INSR: variants seen among roughly 807,000 people sequenced by gnomAD.
The protein encoded by INSR is IR.
INSR carries 67 observed loss-of-function variants against 142.6 expected under a neutral mutation model. The observed-to-expected ratio is 0.47, with a 90% CI of 0.39 to 0.58. The LOEUF (loss-of-function observed/expected upper bound fraction) is 0.58. INSR is among the 20% of genes least tolerant of loss of function. The pLI, the probability that INSR is intolerant of heterozygous loss-of-function variation, is 0.00. For synonymous variants in INSR, 756 were observed against 743.1 expected, an observed-to-expected ratio of 1.02 and a Z score of -0.28; for missense variants, 1,248 against 1,833.2, an observed-to-expected ratio of 0.68 and a Z score of 5.83.
chr19:7,268,652 A>G (rs1967814617), intron 1 of INSR: 1 of 971,856 alleles, frequency 1.0e-6, no homozygotes, highest in African/African-American at 1.8e-5. Flanking sequence ...ATATGGAAGA[A>G]GAAGTGAAAC....
intron 1 of INSR, among the ~76,000 whole-genome samples, chr19:7,281,120 T>C (rs1473688826): frequency 4.6e-5 from 7 of 151,544 alleles, no homozygotes; most frequent in Non-Finnish European, 1.0e-4. Flanking sequence ...ATTTCAGGAG[T>C]CCTGAAATTT....
chr19:7,236,851 C>T (rs1048472191), intron 2 of INSR, among the ~76,000 whole-genome samples: 2 of 151,652 alleles, frequency 1.3e-5, no homozygotes, highest in African/African-American at 4.8e-5. Context: ...ACGGTGAAAC[C>T]CTGTCTCTAC....
intron 9 of INSR, among the ~76,000 whole-genome samples, chr19:7,155,992 A>T (rs1386408337): frequency 2.6e-5 from 4 of 151,166 alleles, no homozygotes; most frequent in African/African-American, 9.7e-5. Flanking sequence ...AATATCAATC[A>T]ATCAATTAAT....
chr19:7,175,493 C>T (rs1401596771), intron 3 of INSR, among the ~76,000 whole-genome samples: 1 of 152,114 alleles, frequency 6.6e-6, no homozygotes, highest in Non-Finnish European at 1.5e-5. Flanking sequence ...CCCTAGGCTC[C>T]ACTCACGAGC....
At chr19:7,252,984 G>A (rs775954484) in intron 2 of INSR, among the ~76,000 whole-genome samples, 13 of 152,014 alleles carry the variant, frequency 8.6e-5, no homozygotes, top group Non-Finnish European at 1.3e-4. Context: ...GCGTGGTGGC[G>A]GGCGCCTGTA....
At chr19:7,218,402 A>G (rs1209697973) in intron 2 of INSR, among the ~76,000 whole-genome samples, 1 of 152,022 alleles carries the variant, frequency 6.6e-6, no homozygotes, top group Non-Finnish European at 1.5e-5. Context: ...GCCTAATGTC[A>G]CCCTGCTCAA....
In INSR at chr19:7,122,753, G is replaced by A; in HGVS notation, c.3390C>T (p.Pro1130=). 6.2e-7 allele frequency: 1 copy of A among 1,614,164 alleles called. No individual in the cohort carries two copies. Among genetic ancestry groups the A allele is most frequent in the Non-Finnish European group, 8.5e-7 (1 of 1,180,000 alleles). Residue 1130 remains proline, a synonymous_variant, in exon 19 of 22, where the codon CCC becomes CCT. Coordinates refer to ENST00000302850, the MANE Select transcript of INSR (RefSeq NM_000208.4). ...TCTGAATCATCTCTTGAAGGGTAGG[G>A]GGAGGGCGGCCAGGATTATTCTAAA... The part of the protein sequence containing the change: ...PEAENNPGRP[P]PTLQEMIQMA...
At position 7,158,776 on chromosome 19, in the gene INSR, G is replaced by A. The variant is rs571550567; in HGVS notation, c.2029+4256C>T. ...AATTGTATGTGATGTATATTTTACC[G>A]TGGTAACAACATATACACTAGTGAT... On this transcript the variant is annotated intron_variant, in intron 9 of 21. Coordinates refer to ENST00000302850, the MANE Select transcript of INSR (RefSeq NM_000208.4). Among the ~76,000 whole-genome samples the A allele has an allele frequency of 4.6e-5, 7 of 152,212 alleles. No individual in the cohort carries two copies. The South Asian group carries it at 8.3e-4, about 18-fold the overall frequency.
At chr19:7,205,002 T>TTAAG (rs1568485393) in intron 2 of INSR, among the ~76,000 whole-genome samples, 3 of 151,750 alleles carry the variant, frequency 2.0e-5, no homozygotes, top group African/African-American at 7.3e-5. Context: ...GAGAATCGCT[T>TTAAG]GAAGCCAGGA....
chr19:7,153,332 C>G (rs1248091436), intron 9 of INSR, among the ~76,000 whole-genome samples: 2 of 5,890 alleles, frequency 3.4e-4, no homozygotes, highest in African/African-American at 4.8e-4. Flanking sequence ...CCACACACAC[C>G]CACGCCACAC....
In INSR at chr19:7,112,549, G is replaced by C. The variant is rs567989644; in HGVS notation, c.*4507C>G. The C allele has an allele frequency of 6.6e-6, 1 of 152,306 alleles. No homozygotes were observed. Among genetic ancestry groups the C allele is most frequent in the Non-Finnish European group, 1.5e-5 (1 of 68,032 alleles). 9.4% of individuals were successfully genotyped at this position (152,306 alleles called of 1,614,324 possible). ...AAGCAACTTTCAGGCAAAGTGTAAA[G>C]ACTAAACAAGCTGTTCCTGAATATG... On this transcript the variant is annotated 3_prime_UTR_variant, in exon 22 of 22. Transcript: ENST00000302850.
chr19:7,119,662 G>A lies in INSR; in HGVS notation c.3660-79C>T, dbSNP rs559000169. Reference sequence around the variant, plus strand: ...CACGCGCGCGCGCAAACACACACACGCAAACGCACACACACACGCAAACAC... The same window carrying A: ...CACGCGCGCGCGCAAACACACACACACAAACGCACACACACACGCAAACAC... On this transcript the variant is annotated intron_variant, in intron 20 of 21. Coordinates refer to ENST00000302850, the MANE Select transcript of INSR (RefSeq NM_000208.4). This position sits in a 1 kb window ranked among gnomAD's most constrained non-coding sequence, Gnocchi z 5.2. 98 of 1,485,940 alleles carry A rather than the reference G, an allele frequency of 6.6e-5. No individual in the cohort carries two copies. In the East Asian group the frequency reaches 7.8e-4, roughly 12 times the overall value. The allele number at this position is 1,485,940 out of a possible 1,614,324, so 92.0% of individuals were successfully genotyped here.
At chr19:7,290,778 GAA>G in intron 1 of INSR, among the ~76,000 whole-genome samples, 1 of 122,676 alleles carries the variant, frequency 8.2e-6, no homozygotes, top group African/African-American at 3.0e-5. Flanking sequence ...AAAAAAAAAA[GAA>G]AAAAAAAAAG....
chr19:7,153,558 C>T (rs918220313), intron 9 of INSR, among the ~76,000 whole-genome samples: 3 of 149,702 alleles, frequency 2.0e-5, no homozygotes, highest in Non-Finnish European at 4.5e-5. Context: ...ATTTGAGCTC[C>T]GCTTTGGAAA....
intron 2 of INSR, among the ~76,000 whole-genome samples, chr19:7,187,904 C>A (rs1250508189): frequency 1.3e-5 from 2 of 152,144 alleles, no homozygotes; most frequent in African/African-American, 4.8e-5. Context: ...CAGATGACTA[C>A]CGTCTCCCAG....
chr19:7,198,150 A>C (rs1974841230), intron 2 of INSR, among the ~76,000 whole-genome samples: 1 of 151,932 alleles, frequency 6.6e-6, no homozygotes. Flanking sequence ...TCAGCGCAGC[A>C]CAAAGCCCGG....
chr19:7,185,860 G>GAAAAAAAAAA (rs1974415650), intron 2 of INSR, among the ~76,000 whole-genome samples: 1 of 45,524 alleles, frequency 2.2e-5, no homozygotes, highest in Non-Finnish European at 4.8e-5. Context: ...AAAAAAAAAA[G>GAAAAAAAAAA]AGAGAGAGAG....
chr19:7,136,848 T>TATATATA (rs71177159), intron 13 of INSR, among the ~76,000 whole-genome samples: 1 of 143,092 alleles, frequency 7.0e-6, no homozygotes, highest in Non-Finnish European at 1.5e-5. Context: ...TATATATATA[T>TATATATA]TGAGATGGTG....
intron 1 of INSR, among the ~76,000 whole-genome samples, chr19:7,273,907 C>T (rs1407563184): frequency 1.3e-5 from 2 of 151,866 alleles, no homozygotes; most frequent in Admixed American, 6.6e-5. Flanking sequence ...GCAGGAGAAT[C>T]GCTTGAACCC....
Sources: allele counts gnomAD v4.1 joint callset (sites outside exome capture counted in the v4.1 genomes callset), GRCh38; gene constraint gnomAD v4.1.1; non-coding constraint Gnocchi (gnomAD v3.1); transcripts MANE v1.5; gene names NCBI Gene and HGNC (gene_info 2026-07-23, HGNC 2026-07-21).